Variants in CDH12 observed in about 807,000 individuals in gnomAD.
CDH12 encodes cadherin 12.
Under a neutral mutation model 74.1 loss-of-function variants are expected in CDH12, and 41 were observed. The observed-to-expected ratio is 0.55, with a 90% CI of 0.43 to 0.72. CDH12 has a LOEUF of 0.72. CDH12 is among the 30% of genes least tolerant of loss of function. The pLI, the probability that CDH12 is intolerant of heterozygous loss-of-function variation, is 0.00. For synonymous variants in CDH12, 399 were observed against 355.0 expected (o/e 1.12, Z -1.39); for missense variants, 945 against 977.2 (o/e 0.97, Z 0.44).
intron 3 of CDH12, among the ~76,000 whole-genome samples, chr5:22,311,331 C>T (rs2150428589): frequency 6.6e-6 from 1 of 152,224 alleles, no homozygotes; most frequent in East Asian, 1.9e-4. Context: ...TATTGATTGG[C>T]TATACATTTT....
At chr5:22,246,088 A>C (rs530247214) in intron 3 of CDH12, among the ~76,000 whole-genome samples, 1 of 152,144 alleles carries the variant, frequency 6.6e-6, no homozygotes, top group African/African-American at 2.4e-5. Flanking sequence ...CTAACCATTT[A>C]GATTACTAAC....
At chr5:22,453,774 T>C (rs1443323408) in intron 2 of CDH12, among the ~76,000 whole-genome samples, 1 of 152,182 alleles carries the variant, frequency 6.6e-6, no homozygotes. Flanking sequence ...TCTGAGGTGA[T>C]AGATATGCTA....
chr5:21,764,711 A>C (rs1744919122), intron 12 of CDH12, among the ~76,000 whole-genome samples: 1 of 152,014 alleles, frequency 6.6e-6, no homozygotes, highest in Non-Finnish European at 1.5e-5. Context: ...GAATAGAAAA[A>C]CATAGCAGAA....
intron 1 of CDH12, among the ~76,000 whole-genome samples, chr5:22,706,432 T>G (rs569334185): frequency 5.3e-5 from 8 of 152,068 alleles, no homozygotes; most frequent in Non-Finnish European, 7.4e-5. Flanking sequence ...AAGCCAATCA[T>G]GTATCACAGA....
intron 1 of CDH12, among the ~76,000 whole-genome samples, chr5:22,729,511 G>C (rs546295408): frequency 5.3e-5 from 8 of 151,882 alleles, no homozygotes; most frequent in Middle Eastern, 6.8e-3. Flanking sequence ...CAAATGCATG[G>C]GTATGATAGC....
At chr5:21,959,966 G>A (rs1383761907) in intron 6 of CDH12, among the ~76,000 whole-genome samples, 13 of 145,638 alleles carry the variant, frequency 8.9e-5, no homozygotes. Flanking sequence ...ATTACATAAT[G>A]ATGAAGGGTT....
chr5:22,358,314 C>G (rs1446799370), intron 3 of CDH12, among the ~76,000 whole-genome samples: 2 of 86,442 alleles, frequency 2.3e-5, no homozygotes, highest in African/African-American at 9.3e-5. Context: ...GAGGTTGAGG[C>G]AGGAGAATAA....
At chr5:22,717,920 A>G (rs1183284972) in intron 1 of CDH12, among the ~76,000 whole-genome samples, 3 of 152,152 alleles carry the variant, frequency 2.0e-5, no homozygotes, top group African/African-American at 7.2e-5. Flanking sequence ...ACAAAGAAAA[A>G]AAAAGCATCT....
At chr5:22,435,031 T>G (rs548627541) in intron 2 of CDH12, among the ~76,000 whole-genome samples, 37 of 152,056 alleles carry the variant, frequency 2.4e-4, no homozygotes, top group Non-Finnish European at 5.1e-4. Context: ...AGTGTTAGCT[T>G]GATTGGATTG....
intron 6 of CDH12, among the ~76,000 whole-genome samples, chr5:21,897,989 T>C (rs1753202226): frequency 6.6e-6 from 1 of 152,176 alleles, no homozygotes; most frequent in African/African-American, 2.4e-5. Flanking sequence ...GTAGGTTATA[T>C]GCCACTTAAT....
At chr5:22,469,010 G>T (rs912896960) in intron 2 of CDH12, among the ~76,000 whole-genome samples, 3 of 152,090 alleles carry the variant, frequency 2.0e-5, no homozygotes, top group African/African-American at 7.2e-5. Flanking sequence ...GAGGATTAGG[G>T]TTACCTGTGG....
At chr5:22,280,326 A>G (rs2150406220) in intron 3 of CDH12, among the ~76,000 whole-genome samples, 1 of 152,302 alleles carries the variant, frequency 6.6e-6, no homozygotes, top group African/African-American at 2.4e-5. Flanking sequence ...GAGAAGCAAG[A>G]GCAAACACAT....
intron 2 of CDH12, among the ~76,000 whole-genome samples, chr5:22,489,055 C>CGTTTTTTTTTTTTTTTTTTTTTTTTTT (rs1561442373): frequency 6.4e-5 from 1 of 15,716 alleles, no homozygotes; most frequent in African/African-American, 2.6e-4. Flanking sequence ...TTTGGTACCA[C>CGTTTTTTTTTTTTTTTTTTTTTTTTTT]CTTTTTTTTT....
chr5:22,627,091 A>G (rs1738338417), intron 1 of CDH12, among the ~76,000 whole-genome samples: 1 of 152,182 alleles, frequency 6.6e-6, no homozygotes, highest in Non-Finnish European at 1.5e-5. Flanking sequence ...GGGATTATGT[A>G]AAGAGACAAT....
chr5:22,707,160 A>T lies in CDH12; in HGVS notation c.-523+145898T>A, dbSNP rs150219321. On this transcript the variant is annotated intron_variant, in intron 1 of 14. Coordinates refer to ENST00000382254, the MANE Select transcript of CDH12 (RefSeq NM_004061.5). ...CAGCAGAGTGATTCAAGAAGACACA[A>T]CATTAAGCCTACTAAATATGCATAA... is the stretch of plus-strand genomic sequence containing the variant. 1.7e-4 allele frequency among the ~76,000 whole-genome samples: 26 copies of T among 152,288 alleles called. 1 individual carries two copies. In the East Asian group the frequency reaches 5.0e-3, roughly 29 times the overall value.
intron 6 of CDH12, among the ~76,000 whole-genome samples, chr5:21,941,636 C>T (rs1170059626): frequency 6.6e-6 from 1 of 151,824 alleles, no homozygotes; most frequent in Non-Finnish European, 1.5e-5. Context: ...AACTTATAGA[C>T]TATTTATATA....
intron 3 of CDH12, among the ~76,000 whole-genome samples, chr5:22,311,570 CA>C (rs1228453415): frequency 1.3e-5 from 2 of 151,832 alleles, no homozygotes; most frequent in Non-Finnish European, 2.9e-5. Flanking sequence ...GACGTGGTGG[CA>C]CATGCTTGTA....
chr5:21,976,910 A>T (rs1757094414), intron 5 of CDH12, among the ~76,000 whole-genome samples: 1 of 152,106 alleles, frequency 6.6e-6, no homozygotes, highest in Non-Finnish European at 1.5e-5. Flanking sequence ...TAGTATGAGT[A>T]ATTAAAAGCA....
intron 3 of CDH12, among the ~76,000 whole-genome samples, chr5:22,269,893 A>G (rs192264263): frequency 6.6e-6 from 1 of 152,330 alleles, no homozygotes; most frequent in South Asian, 2.1e-4. Flanking sequence ...CTTTCATTTG[A>G]AAACAAATCA....
Sources: gnomAD v4.1 joint callset for allele counts (sites outside exome capture counted in the v4.1 genomes callset) on GRCh38, gnomAD v4.1.1 for gene constraint, MANE v1.5 for transcripts, NCBI Gene and HGNC (gene_info 2026-07-23, HGNC 2026-07-21) for gene names.